DMD: variants seen among roughly 807,000 people sequenced by gnomAD.
DMD encodes dystrophin.
Under a neutral mutation model 330.1 loss-of-function variants are expected in DMD, and 63 were observed. The ratio of observed to expected loss-of-function variants is 0.19; its 90% CI spans 0.16 to 0.24. The LOEUF is 0.24. Ranked by LOEUF, DMD falls within the 10% of genes least tolerant of loss-of-function variation. DMD has a pLI of 1.00. For synonymous variants in DMD, 1,223 were observed against 959.8 expected (o/e 1.27, Z -5.07); for missense variants, 3,344 against 2,684.1 (o/e 1.25, Z -5.43).
chrX:31,871,787 T>C (rs1200334740), intron 48 of DMD, among the ~76,000 whole-genome samples: 2 of 110,240 alleles, frequency 1.8e-5, no homozygotes, highest in African/African-American at 6.6e-5. Flanking sequence ...TTCAGTAGTT[T>C]GAAACTAAGT....
At chrX:32,519,334 G>A (rs1051214160) in intron 17 of DMD, among the ~76,000 whole-genome samples, 23 of 108,615 alleles carry the variant, frequency 2.1e-4, no homozygotes, top group African/African-American at 7.7e-4. Flanking sequence ...AGCTGGTGGG[G>A]GTGGAGAGTA....
At chrX:32,799,574 A>G (rs1447070227) in intron 7 of DMD, among the ~76,000 whole-genome samples, 1 of 106,484 alleles carries the variant, frequency 9.4e-6, no homozygotes, top group East Asian at 2.9e-4. Flanking sequence ...CTGACAAAGC[A>G]CTCTCTTAAT....
At chrX:31,683,506 T>C (rs2082500649) in intron 52 of DMD, among the ~76,000 whole-genome samples, 1 of 112,335 alleles carries the variant, frequency 8.9e-6, no homozygotes, top group African/African-American at 3.2e-5. Context: ...ATCTATAGCA[T>C]AGCTGTGTAT....
chrX:31,459,609 G>A (rs887694955), intron 59 of DMD, among the ~76,000 whole-genome samples: 4 of 111,379 alleles, frequency 3.6e-5, no homozygotes, highest in South Asian at 3.8e-4. Context: ...AGTGTGTTTC[G>A]AAACAGGACT....
At chrX:31,847,636 TTTG>T (rs1376137241) in intron 48 of DMD, among the ~76,000 whole-genome samples, 2 of 111,647 alleles carry the variant, frequency 1.8e-5, no homozygotes, top group African/African-American at 6.5e-5. Context: ...AATTGTAAAA[TTTG>T]TTATTTCTCC....
chrX:31,301,776 G>T (rs996465375), intron 62 of DMD, among the ~76,000 whole-genome samples: 1 of 111,093 alleles, frequency 9.0e-6, no homozygotes, highest in Non-Finnish European at 1.9e-5. Context: ...TTTGTTTGTT[G>T]TTGTTGTTGT....
intron 47 of DMD, among the ~76,000 whole-genome samples, chrX:31,880,570 A>T (rs1469592227): frequency 8.9e-6 from 1 of 112,497 alleles, no homozygotes; most frequent in African/African-American, 3.2e-5. Context: ...TATCTATTAT[A>T]TTAGTTTCTG....
At chrX:32,600,166 G>A (rs145305704) in intron 12 of DMD, among the ~76,000 whole-genome samples, 2,279 of 111,923 alleles carry the variant, frequency 0.02, 28 homozygotes, top group Non-Finnish European at 0.032. Context: ...TCCATGTCAA[G>A]TTGGTTTTCA....
At chrX:32,371,797 C>A (rs1330682048) in intron 34 of DMD, among the ~76,000 whole-genome samples, 4 of 111,334 alleles carry the variant, frequency 3.6e-5, no homozygotes, top group Admixed American at 2.9e-4. Context: ...TACTAACAAA[C>A]AATATTTGAA....
chrX:31,570,837 T>C (rs1221987254), intron 55 of DMD, among the ~76,000 whole-genome samples: 1 of 111,998 alleles, frequency 8.9e-6, no homozygotes, highest in Non-Finnish European at 1.9e-5. Context: ...TATGTGTCAC[T>C]TTGAATCACT....
chrX:31,679,873 C>T (rs1400089918), intron 52 of DMD, among the ~76,000 whole-genome samples: 2 of 111,803 alleles, frequency 1.8e-5, no homozygotes, highest in South Asian at 3.7e-4. Context: ...GTTAGAAAAG[C>T]ACTACAGCAG....
intron 50 of DMD, among the ~76,000 whole-genome samples, chrX:31,808,376 C>A (rs1342688598): frequency 1.8e-5 from 2 of 111,593 alleles, no homozygotes; most frequent in African/African-American, 6.5e-5. Flanking sequence ...TCAAATGTTC[C>A]TTGGAGTCAG....
intron 7 of DMD, among the ~76,000 whole-genome samples, chrX:32,802,453 A>G (rs761487882): frequency 9.0e-6 from 1 of 110,876 alleles, no homozygotes; most frequent in East Asian, 2.9e-4. Context: ...GCAAACAGAG[A>G]ATTTGAATAC....
intron 63 of DMD, among the ~76,000 whole-genome samples, chrX:31,228,084 A>G (rs1284681402): frequency 4.1e-5 from 4 of 98,287 alleles, no homozygotes; most frequent in African/African-American, 1.5e-4. Flanking sequence ...AGGAAGGGGA[A>G]TATCACACTC....
chrX:31,949,678 T>C (rs1460777039), intron 45 of DMD, among the ~76,000 whole-genome samples: 1 of 111,499 alleles, frequency 9.0e-6, no homozygotes, highest in Non-Finnish European at 1.9e-5. Context: ...TTTAAATTAC[T>C]AATTCAGTTT....
intron 52 of DMD, among the ~76,000 whole-genome samples, chrX:31,720,570 T>C (rs1052380340): frequency 1.8e-5 from 2 of 111,916 alleles, no homozygotes; most frequent in Admixed American, 1.9e-4. Context: ...TTTGTCTGAG[T>C]ATAAAATTCT....
At chrX:31,684,684 T>C (rs948091883) in intron 52 of DMD, among the ~76,000 whole-genome samples, 11 of 112,191 alleles carry the variant, frequency 9.8e-5, no homozygotes, top group African/African-American at 3.6e-4. Flanking sequence ...AGTTCTGCAG[T>C]ATCCTGATAT....
intron 44 of DMD, among the ~76,000 whole-genome samples, chrX:32,151,938 A>G (rs1322721996): frequency 8.9e-6 from 1 of 111,896 alleles, no homozygotes; most frequent in Non-Finnish European, 1.9e-5. Flanking sequence ...GTATCTAATA[A>G]CTGCTTCTTT....
At chrX:32,978,978 GAAAA>G (rs1267836767) in intron 2 of DMD, among the ~76,000 whole-genome samples, 4 of 111,893 alleles carry the variant, frequency 3.6e-5, no homozygotes, top group Non-Finnish European at 7.5e-5. Flanking sequence ...ACTCCATCTA[GAAAA>G]TTATTTCTCC....
Sources: allele counts gnomAD v4.1 joint callset (sites outside exome capture counted in the v4.1 genomes callset), GRCh38; gene constraint gnomAD v4.1.1; transcripts MANE v1.5; gene names NCBI Gene and HGNC (gene_info 2026-07-23, HGNC 2026-07-21).